The following PHYHIPL variants were observed in gnomAD, a reference collection of about 807,000 sequenced individuals.
PHYHIPL encodes the protein phytanoyl-CoA hydroxylase-interacting protein-like.
Under a neutral mutation model 33.4 loss-of-function variants are expected in PHYHIPL, and 9 were observed. That is an observed-to-expected ratio of 0.27 (90% CI 0.16 to 0.47). PHYHIPL has a LOEUF of 0.47. Ranked by LOEUF, PHYHIPL falls within the 20% of genes least tolerant of loss-of-function variation. The probability of loss-of-function intolerance (pLI) is 0.99; values close to 1 mark genes in which losing one functional copy is unlikely to be tolerated. For synonymous variants in PHYHIPL, 153 were observed against 154.1 expected (o/e 0.99, Z 0.05); for missense variants, 365 against 460.7 (o/e 0.79, Z 1.90).
intron 1 of PHYHIPL, chr10:59,206,874 A>AAAAACATGACTAG: frequency 1.0e-6 from 1 of 958,146 alleles, no homozygotes; most frequent in Non-Finnish European, 1.3e-6. Flanking sequence ...TGCACTAGTC[A>AAAAACATGACTAG]TGTTTTTGAC....
intron 1 of PHYHIPL, among the ~76,000 whole-genome samples, chr10:59,180,328 A>ATATATATAGAAAAAG (rs1382737596): frequency 9.2e-5 from 5 of 54,456 alleles, no homozygotes; most frequent in African/African-American, 2.4e-4. Context: ...ATATATATAT[A>ATATATATAGAAAAAG]TATATATATA....
chr10:59,206,065 C>A (rs530270928), intron 1 of PHYHIPL, among the ~76,000 whole-genome samples: 1 of 152,100 alleles, frequency 6.6e-6, no homozygotes, highest in Non-Finnish European at 1.5e-5. Context: ...TTTGATCAAG[C>A]GCCTTCTTAT....
chr10:59,245,497 C>T lies in PHYHIPL; in HGVS notation c.1037C>T (p.Ala346Val), dbSNP rs1840626118. 6.2e-7 allele frequency: 1 copy of T among 1,614,144 alleles called. No individual in the cohort carries two copies. Among genetic ancestry groups the T allele is most frequent in the Non-Finnish European group, 8.5e-7 (1 of 1,180,020 alleles). The change falls in exon 5 of 5, where the codon GCA (alanine) becomes GTA (valine). Residue 346 changes from alanine to valine, a missense_variant. Ala to Val is a moderately conservative substitution (Grantham distance 64). Transcript: ENST00000373880. The part of the protein sequence containing the change: ...DPVDLSVGTV[A>V]EITGHQLMSL... ...GTGGATCTTTCTGTGGGCACCGTGG[C>T]AGAAATCACTGGTCATCAGCTCATG... is the stretch of plus-strand genomic sequence containing the variant.
At chr10:59,182,724 G>GA (rs1215604711) in intron 1 of PHYHIPL, among the ~76,000 whole-genome samples, 1 of 151,984 alleles carries the variant, frequency 6.6e-6, no homozygotes, top group Admixed American at 6.6e-5. Context: ...AGTCTGAGCA[G>GA]AAAAAAATAG....
chr10:59,222,136 A>G (rs1308310470), intron 1 of PHYHIPL, among the ~76,000 whole-genome samples: 1 of 152,040 alleles, frequency 6.6e-6, no homozygotes. Context: ...TGCCCTTAAT[A>G]AAGAAGTACT....
rs1840728903 is a variant in PHYHIPL, at chr10:59,246,579, G to GT, written c.*989dup. On this transcript the variant is annotated 3_prime_UTR_variant, in exon 5 of 5. Transcript: ENST00000373880. Reference sequence around the variant, plus strand: ...AAATGAAAATAATAAACATGTTTTCGTATAAAATAACACAAAATGATATAC... The same window carrying GT: ...AAATGAAAATAATAAACATGTTTTCGTTATAAAATAACACAAAATGATATAC... The GT allele has an allele frequency of 2.5e-6, 1 of 396,598 alleles. No individual in the cohort carries two copies. The highest frequency in any genetic ancestry group is 2.1e-5 in the African/African-American group (1 of 48,520). 24.6% of individuals were successfully genotyped at this position (396,598 alleles called of 1,614,324 possible).
upstream of PHYHIPL, among the ~76,000 whole-genome samples, chr10:59,174,196 A>G (rs1838214063): frequency 6.6e-6 from 1 of 151,908 alleles, no homozygotes; most frequent in Non-Finnish European, 1.5e-5. Flanking sequence ...CTACATCTTC[A>G]GGGTGGGAAC....
chr10:59,178,443 C>T (rs755973533), intron 1 of PHYHIPL, among the ~76,000 whole-genome samples: 43 of 152,116 alleles, frequency 2.8e-4, no homozygotes, highest in Non-Finnish European at 5.3e-4. Context: ...TTTTTAATAA[C>T]GCATAGGAAG....
intron 3 of PHYHIPL, among the ~76,000 whole-genome samples, chr10:59,237,699 G>T (rs968010445): frequency 6.6e-6 from 1 of 151,952 alleles, no homozygotes; most frequent in South Asian, 2.1e-4. Flanking sequence ...AAATAAAATA[G>T]AATGCCACAG....
intron 1 of PHYHIPL, among the ~76,000 whole-genome samples, chr10:59,227,553 T>C (rs955474683): frequency 1.6e-4 from 24 of 152,180 alleles, no homozygotes; most frequent in Non-Finnish European, 4.4e-5. Context: ...ATATTATACT[T>C]ATTAAGTAAG....
chr10:59,184,590 C>G (rs986565217), intron 1 of PHYHIPL, among the ~76,000 whole-genome samples: 26 of 151,348 alleles, frequency 1.7e-4, no homozygotes, highest in Admixed American at 9.2e-4. Context: ...TCCCCTATAC[C>G]ATTGCATCTG....
intron 1 of PHYHIPL, among the ~76,000 whole-genome samples, chr10:59,192,552 G>C (rs535508644): frequency 6.6e-6 from 1 of 152,240 alleles, no homozygotes; most frequent in Admixed American, 6.5e-5. Context: ...TTGTTGTTTA[G>C]ATACAGTGTT....
chr10:59,183,036 T>C (rs1838454063), intron 1 of PHYHIPL, among the ~76,000 whole-genome samples: 1 of 152,210 alleles, frequency 6.6e-6, no homozygotes, highest in African/African-American at 2.4e-5. Context: ...GGCATATCTC[T>C]CTCATAGATA....
intron 1 of PHYHIPL, chr10:59,177,355 C>T (rs993224394): frequency 6.1e-6 from 6 of 985,454 alleles, no homozygotes; most frequent in Non-Finnish European, 8.6e-6. Context: ...ACCCCCTTCC[C>T]CCAACACACA....
chr10:59,220,072 A>G (rs939996553), intron 1 of PHYHIPL, among the ~76,000 whole-genome samples: 5 of 152,144 alleles, frequency 3.3e-5, no homozygotes, highest in African/African-American at 9.7e-5. Context: ...ATTGCTAATA[A>G]CAAAGTGAAT....
intron 1 of PHYHIPL, among the ~76,000 whole-genome samples, chr10:59,207,009 G>A (rs1839302413): frequency 6.6e-6 from 1 of 152,144 alleles, no homozygotes; most frequent in Non-Finnish European, 1.5e-5. Context: ...TGAATGATAG[G>A]CTAACACAAC....
At chr10:59,230,212 C>CTTTTTTTT (rs71006238) in intron 1 of PHYHIPL, among the ~76,000 whole-genome samples, 2 of 123,376 alleles carry the variant, frequency 1.6e-5, no homozygotes, top group Admixed American at 9.1e-5. Flanking sequence ...AAATTGCTTT[C>CTTTTTTTT]TTTTTTTTTT....
At chr10:59,219,768 C>G (rs934118748) in intron 1 of PHYHIPL, among the ~76,000 whole-genome samples, 10 of 152,058 alleles carry the variant, frequency 6.6e-5, no homozygotes, top group African/African-American at 2.2e-4. Flanking sequence ...GAGTTGACAT[C>G]AGTAAGGACA....
rs369527699 is a variant in PHYHIPL at position 59,188,140 on chromosome 10, T to C, written c.106+11181T>C. On this transcript the variant is annotated intron_variant, in intron 1 of 4. Transcript: ENST00000373880. ...TTCCCTCTACACAATGCTTTGAATG[T>C]GTCCCAGAGATTCTGGTATGTTGTG... Among the ~76,000 whole-genome samples, 43 of 152,322 alleles carry C rather than the reference T, an allele frequency of 2.8e-4. No individual in the cohort carries two copies. In the East Asian group the frequency reaches 5.6e-3, roughly 20 times the overall value.
Sources: gnomAD v4.1 joint callset for allele counts (sites outside exome capture counted in the v4.1 genomes callset) on GRCh38, gnomAD v4.1.1 for gene constraint, MANE v1.5 for transcripts, NCBI Gene and HGNC (gene_info 2026-07-23, HGNC 2026-07-21) for gene names.